TRPM1: variants seen among roughly 807,000 people sequenced by gnomAD.
TRPM1 encodes transient receptor potential cation channel subfamily M member 1.
TRPM1 carries 113 observed loss-of-function variants against 149.4 expected under a neutral mutation model. The ratio of observed to expected loss-of-function variants is 0.76; its 90% CI spans 0.65 to 0.88. The LOEUF is 0.88. Ranked by LOEUF, TRPM1 falls within the 40% of genes least tolerant of loss-of-function variation. The pLI is 0.00. For synonymous variants in TRPM1, 741 were observed against 759.5 expected (o/e 0.98, Z 0.40); for missense variants, 1,976 against 2,038.7 (o/e 0.97, Z 0.59).
Position 31,001,286 on chromosome 15 carries a change from T to C in TRPM1, c.*536A>G, listed in dbSNP as rs1454656181. 2.0e-5 allele frequency: 3 copies of C among 152,218 alleles called. No homozygotes were observed. Among genetic ancestry groups the C allele is most frequent in the Admixed American group, 6.5e-5 (1 of 15,270 alleles). 9.4% of individuals were successfully genotyped at this position (152,218 alleles called of 1,614,324 possible). ...TTTCTTCTTTCCACCCCTCCCTTTT[T>C]TCATGTTTGCTTTCTCTTTAGTTTC... On this transcript the variant is annotated 3_prime_UTR_variant, in exon 28 of 28. Coordinates refer to ENST00000256552, the MANE Select transcript of TRPM1 (RefSeq NM_001252024.2).
chr15:31,146,658 C>T (rs938180155), intron 1 of TRPM1, among the ~76,000 whole-genome samples: 1 of 152,108 alleles, frequency 6.6e-6, no homozygotes, highest in Non-Finnish European at 1.5e-5. Context: ...TTTTAGTCTC[C>T]CGGTCCCTGC....
chr15:31,119,856 A>T (rs1042931979), intron 1 of TRPM1, among the ~76,000 whole-genome samples: 5 of 152,172 alleles, frequency 3.3e-5, no homozygotes, highest in African/African-American at 1.2e-4. Flanking sequence ...CACTAAAAAG[A>T]TAATTAATAT....
rs568592746 is a variant in TRPM1, at chr15:31,039,973, A to G, written c.2316+145T>C. 7.9e-6 allele frequency: 6 copies of G among 756,246 alleles called. No individual in the cohort carries two copies. The East Asian group carries it at 1.1e-4, about 13-fold the overall frequency. The allele number at this position is 756,246 out of a possible 1,614,324, so 46.8% of individuals were successfully genotyped here. On this transcript the variant is annotated intron_variant, in intron 18 of 27. Transcript: ENST00000256552. ...TCTCAAAGCTTCAGATTCCTCATCT[A>G]TAAGACAATGATTGTCATGGCGTCT...
At chr15:31,115,173 G>A (rs1202633535) in intron 1 of TRPM1, among the ~76,000 whole-genome samples, 1 of 152,142 alleles carries the variant, frequency 6.6e-6, no homozygotes, top group East Asian at 1.9e-4. Context: ...CAGAAGAATC[G>A]TCTGAACCCA....
At chr15:31,141,078 C>T (rs556949712) in intron 1 of TRPM1, among the ~76,000 whole-genome samples, 9 of 152,104 alleles carry the variant, frequency 5.9e-5, no homozygotes, top group South Asian at 4.2e-4. Flanking sequence ...GCGATCCGCC[C>T]CCCTCAGCCT....
intron 9 of TRPM1, among the ~76,000 whole-genome samples, chr15:31,062,135 G>A (rs1015629831): frequency 1.3e-5 from 2 of 152,170 alleles, no homozygotes; most frequent in Non-Finnish European, 2.9e-5. Flanking sequence ...TATCTAATCA[G>A]ACAGGAGATA....
chr15:31,028,121 A>G (rs941284559), intron 25 of TRPM1, among the ~76,000 whole-genome samples: 10 of 152,206 alleles, frequency 6.6e-5, no homozygotes, highest in African/African-American at 2.4e-4. Context: ...ACCAAGATTA[A>G]ATTTAAATGT....
intron 2 of TRPM1, among the ~76,000 whole-genome samples, 192 bp downstream of exon 2, chr15:31,081,161 G>T (rs2140983637): frequency 6.6e-6 from 1 of 152,258 alleles, no homozygotes; most frequent in South Asian, 2.1e-4. Context: ...TCATGGTGCC[G>T]AGTGCCAGCC....
intron 17 of TRPM1, 30 bp downstream of exon 17, chr15:31,041,921 C>T (rs2033628053): frequency 6.2e-7 from 1 of 1,613,778 alleles, no homozygotes; most frequent in Non-Finnish European, 8.5e-7. Context: ...GTCATCTCTC[C>T]TGGCCTTTAA....
chr15:31,050,379 A>T, intron 12 of TRPM1, 30 bp downstream of exon 12: 1 of 1,614,094 alleles, frequency 6.2e-7, no homozygotes, highest in Non-Finnish European at 8.5e-7. Context: ...GGTGATGCCA[A>T]GCTCGTGATC....
At chr15:31,114,182 C>T (rs2035765104) in intron 1 of TRPM1, among the ~76,000 whole-genome samples, 1 of 152,216 alleles carries the variant, frequency 6.6e-6, no homozygotes, top group Non-Finnish European at 1.5e-5. Flanking sequence ...TGTCCATCCT[C>T]CAAAAGGCCC....
chr15:31,037,508 G>A (rs2033445730), intron 20 of TRPM1, among the ~76,000 whole-genome samples: 1 of 152,172 alleles, frequency 6.6e-6, no homozygotes, highest in Admixed American at 6.5e-5. Context: ...TTGGGACTAG[G>A]ATGGCCATAT....
intron 1 of TRPM1, among the ~76,000 whole-genome samples, chr15:31,082,283 G>T (rs186491038): frequency 6.6e-6 from 1 of 152,320 alleles, no homozygotes; most frequent in African/African-American, 2.4e-5. Context: ...AGGAGCACTG[G>T]CACTGGAGAT....
In TRPM1 at chr15:31,027,079, A is replaced by G; in HGVS notation, c.3332T>C (p.Val1111Ala). ...CAGCTGATATCGCTGGAACTTCCAC[A>G]CCTGGTTGGATATTGATTTTACTTC... is the stretch of plus-strand genomic sequence containing the variant. ...FFEVKSISNQVWKFQRYQLIM... is the reference protein window; with the variant it reads ...FFEVKSISNQAWKFQRYQLIM... The change falls in exon 26 of 28, where the codon GTG becomes GCG. Residue 1111 changes from valine to alanine, a missense_variant. Val to Ala is a moderately conservative substitution (Grantham distance 64). This residue lies in a region of TRPM1 where 72 missense variants were observed against 112.7 expected (regional missense o/e 0.64). Coordinates refer to ENST00000256552, the MANE Select transcript of TRPM1 (RefSeq NM_001252024.2). 1 of 1,614,174 alleles carries G rather than the reference A, an allele frequency of 6.2e-7. No homozygotes were observed. Among genetic ancestry groups the G allele is most frequent in the Non-Finnish European group, 8.5e-7 (1 of 1,180,036 alleles).
intron 1 of TRPM1, among the ~76,000 whole-genome samples, chr15:31,088,237 C>G (rs949349453): frequency 6.6e-6 from 1 of 152,224 alleles, no homozygotes; most frequent in Non-Finnish European, 1.5e-5. Context: ...AATCTGCTCT[C>G]TGTAAAATGG....
At chr15:31,082,436 T>G (rs890039283) in intron 1 of TRPM1, among the ~76,000 whole-genome samples, 3 of 152,218 alleles carry the variant, frequency 2.0e-5, no homozygotes, top group Non-Finnish European at 4.4e-5. Flanking sequence ...AGCTGTGATT[T>G]TCTCATCTCT....
chr15:31,037,647 T>C, intron 20 of TRPM1, 64 bp downstream of exon 20: 1 of 1,611,642 alleles, frequency 6.2e-7, no homozygotes, highest in Non-Finnish European at 8.5e-7. Context: ...AAGTTTTTCT[T>C]GATTCCAACA....
rs765164817 is a variant in TRPM1 at position 31,002,818 on chromosome 15, C to A, written c.3882G>T (p.Leu1294Phe). 1.9e-6 allele frequency: 3 copies of A among 1,614,072 alleles called. No homozygotes were observed. Among genetic ancestry groups the A allele is most frequent in the South Asian group, 1.1e-5 (1 of 91,092 alleles). The stretch of plus-strand genomic sequence containing the variant: ...CTTCTCCGTTAAAATGATATCGATA[C>A]AAGCTGTAGCCATCAGCGCTATTGA... Reference protein sequence around the residue: ...SSINSADGYSLYRYHFNGEEL... With the variant: ...SSINSADGYSFYRYHFNGEEL... The change falls in exon 28 of 28, where the codon TTG (leucine) becomes TTT (phenylalanine). Residue 1294 changes from leucine to phenylalanine, a missense_variant. Coordinates refer to ENST00000256552, the MANE Select transcript of TRPM1 (RefSeq NM_001252024.2).
chr15:31,075,476 C>A (rs1306882496), intron 3 of TRPM1, among the ~76,000 whole-genome samples: 4 of 152,114 alleles, frequency 2.6e-5, no homozygotes, highest in African/African-American at 9.7e-5. Flanking sequence ...TGTCTGAATC[C>A]ATTATAACCA....
Sources: gnomAD v4.1 joint callset for allele counts (sites outside exome capture counted in the v4.1 genomes callset) on GRCh38, gnomAD v4.1.1 for gene constraint, gnomAD v4.1.1 regional missense constraint, MANE v1.5 for transcripts, NCBI Gene and HGNC (gene_info 2026-07-23, HGNC 2026-07-21) for gene names.